Variants in GOLGA8M observed in about 807,000 individuals in gnomAD.
GOLGA8M encodes the protein golgin subfamily A member 8M.
A neutral mutation model predicts 87.7 loss-of-function variants in GOLGA8M; 34 were observed. The observed-to-expected ratio is 0.39, with a 90% CI of 0.29 to 0.52. The LOEUF is 0.52. Among genes scored for constraint, GOLGA8M ranks in the 20% least tolerant of loss-of-function variants. The probability of loss-of-function intolerance (pLI) is 0.80; values close to 1 mark genes in which losing one functional copy is unlikely to be tolerated. For missense variants in GOLGA8M, 396 were observed against 682.2 expected, an observed-to-expected ratio of 0.58 and a Z score of 4.67; for synonymous variants, 138 against 250.2, an observed-to-expected ratio of 0.55 and a Z score of 4.23.
intron 4 of GOLGA8M, among the ~76,000 whole-genome samples, chr15:28,708,765 C>T (rs527318539): frequency 2.6e-4 from 39 of 152,104 alleles, no homozygotes; most frequent in African/African-American, 8.9e-4. Flanking sequence ...GGACCAGGTA[C>T]GGTTCTTTAC....
intron 17 of GOLGA8M, 24 bp downstream of exon 17, chr15:28,702,441 C>T (rs1567296211): frequency 1.5e-6 from 2 of 1,316,638 alleles, no homozygotes; most frequent in South Asian, 2.5e-5. Flanking sequence ...ACCCCCACCC[C>T]CACAGAGATG....
chr15:28,702,642 C>G lies in GOLGA8M; in HGVS notation c.1469+3G>C. ...CCCTGCCGTGCCCTGGCCTCCCACT[C>G]ACTGATGGCATCTCTCTTGCCAGTA... On this transcript the variant is annotated splice_donor_region_variant and intron_variant, in intron 16 of 18. Transcript: ENST00000563027. 2 of 1,609,964 alleles carry G rather than the reference C, an allele frequency of 1.2e-6. No individual in the cohort carries two copies. Among genetic ancestry groups the G allele is most frequent in the Non-Finnish European group, 1.7e-6 (2 of 1,179,980 alleles).
chr15:28,705,047 T>G, intron 13 of GOLGA8M, 112 bp downstream of exon 13: 1 of 1,522,636 alleles, frequency 6.6e-7, no homozygotes, highest in Non-Finnish European at 8.8e-7. Context: ...GGTGCTGTGG[T>G]CACCAGCCCC....
chr15:28,702,567 G>A lies in GOLGA8M; in HGVS notation c.1470-5C>T, dbSNP rs556539486. 77 of 1,607,876 alleles carry A rather than the reference G, an allele frequency of 4.8e-5. No individual in the cohort carries two copies. The highest frequency in any genetic ancestry group is 5.8e-5 in the Non-Finnish European group (68 of 1,179,694). On this transcript the variant is annotated splice_polypyrimidine_tract_variant and splice_region_variant and intron_variant, in intron 16 of 18. Coordinates refer to ENST00000563027, the MANE Select transcript of GOLGA8M (RefSeq NM_001282468.3). ...GATAAAAGGTGATGGATTTTCCTGC[G>A]GGAGGACGGGGCTCAGACGCTGGGG...
In GOLGA8M at chr15:28,702,711, T is replaced by A; in HGVS notation, c.1403A>T (p.Asp468Val). The change falls in exon 16 of 19, where the codon GAC becomes GTC. Residue 468 changes from aspartate (D) to valine (V), a missense_variant. This residue lies in a region of GOLGA8M where 173 missense variants were observed against 150.2 expected (regional missense o/e 1.15). Coordinates refer to ENST00000563027, the MANE Select transcript of GOLGA8M (RefSeq NM_001282468.3). ...TTGTTTCTTCACAAGCTCACTCAGG[T>A]CTGCCTTCTCCTCCAGGTGGTCCAT... ...SFMDHLEEKA[D>V]LSELVKKQEL... The A allele has an allele frequency of 6.2e-7, 1 of 1,602,576 alleles. No individual in the cohort carries two copies.
upstream of GOLGA8M, among the ~76,000 whole-genome samples, chr15:28,712,978 T>C (rs1339358471): frequency 6.7e-6 from 1 of 148,856 alleles, no homozygotes; most frequent in Non-Finnish European, 1.5e-5. Context: ...AATGTTTCTC[T>C]TATTCTCCTA....
In GOLGA8M at chr15:28,702,276, G is replaced by A; in HGVS notation, c.1661C>T (p.Ala554Val). The change falls in exon 18 of 19, where the codon GCT (alanine) becomes GTT (valine). Residue 554 changes from alanine (A) to valine (V), a missense_variant. Around this residue, in one of 12 missense-constraint regions of GOLGA8M, gnomAD observed 173 missense variants for 150.2 expected, o/e 1.15. Transcript: ENST00000563027. ...TGGGGCTCCTGGACCGGGCTCATCA[G>A]CAGAGTTGTGGGCAGCGGCCAGGAA... ...RKFLAAAHNS[A>V]DEPGPGAPAP... The A allele has an allele frequency of 1.9e-6, 3 of 1,558,604 alleles. No homozygotes were observed. The highest frequency in any genetic ancestry group is 2.4e-5 in the East Asian group (1 of 41,612).
chr15:28,702,719 C>A lies in GOLGA8M; in HGVS notation c.1395G>T (p.Glu465Asp). 2 of 1,602,108 alleles carry A rather than the reference C, an allele frequency of 1.2e-6. No individual in the cohort carries two copies. Among genetic ancestry groups the A allele is most frequent in the Non-Finnish European group, 8.5e-7 (1 of 1,179,686 alleles). The change falls in exon 16 of 19, where the codon GAG becomes GAT. Residue 465 changes from glutamate to aspartate, a missense_variant. Physicochemically the swap from Glu to Asp is conservative, Grantham distance 45 (BLOSUM62 2). This residue lies in a region of GOLGA8M where 173 missense variants were observed against 150.2 expected (regional missense o/e 1.15). Coordinates refer to ENST00000563027, the MANE Select transcript of GOLGA8M (RefSeq NM_001282468.3). ...TCACAAGCTCACTCAGGTCTGCCTT[C>A]TCCTCCAGGTGGTCCATAAAGCTGC... Reference protein sequence around the residue: ...AMSSFMDHLEEKADLSELVKK... With the variant: ...AMSSFMDHLEDKADLSELVKK...
intron 1 of GOLGA8M, among the ~76,000 whole-genome samples, chr15:28,711,130 A>G (rs1238274358): frequency 1.3e-5 from 2 of 151,644 alleles, no homozygotes; most frequent in South Asian, 4.2e-4. Context: ...TGTGACTGTC[A>G]TCCCTAAGTA....
At position 28,703,930 on chromosome 15, in the gene GOLGA8M, G is replaced by A; in HGVS notation, c.1201-13C>T. 3.1e-6 allele frequency: 5 copies of A among 1,591,010 alleles called. No homozygotes were observed. The highest frequency in any genetic ancestry group is 1.1e-5 in the South Asian group (1 of 90,178). On this transcript the variant is annotated splice_polypyrimidine_tract_variant and intron_variant, in intron 13 of 18. Transcript: ENST00000563027. ...CTTCCAGGTGCTCCTAAGGGGCCAG[G>A]AAAGAGTGAGAAGGGATGGAGTTTG...
chr15:28,704,830 T>G (rs2079959368), intron 13 of GOLGA8M, among the ~76,000 whole-genome samples: 1 of 145,694 alleles, frequency 6.9e-6, no homozygotes, highest in Non-Finnish European at 1.5e-5. Context: ...CAAGTGATTC[T>G]CCTGCCTCAG....
At chr15:28,712,695 T>C (rs1264842125), upstream of GOLGA8M, among the ~76,000 whole-genome samples, 1 of 152,172 alleles carries the variant, frequency 6.6e-6, no homozygotes, top group Non-Finnish European at 1.5e-5. Flanking sequence ...AATATATGTG[T>C]GTATACTTTA....
At position 28,703,078 on chromosome 15, in the gene GOLGA8M, T is replaced by C. The variant is rs1302745210; in HGVS notation, c.1368+241A>G. The C allele has an allele frequency of 2.5e-5, 19 of 772,804 alleles. 1 individual carries two copies. The highest frequency in any genetic ancestry group is 2.6e-5 in the Non-Finnish European group (17 of 657,752). The allele number at this position is 772,804 out of a possible 1,614,324, so 47.9% of individuals were successfully genotyped here. ...AGAAATGCCACCTGAGGGCAAGATG[T>C]GAGCATTCTTCTAGGGGCATACACA... On this transcript the variant is annotated intron_variant, in intron 15 of 18. Transcript: ENST00000563027.
Position 28,705,112 on chromosome 15 carries a change from G to A in GOLGA8M, c.1200+47C>T, listed in dbSNP as rs564674656. The A allele has an allele frequency of 3.6e-5, 58 of 1,595,388 alleles. No homozygotes were observed. The African/African-American group carries it at 3.7e-4, about 10-fold the overall frequency. On this transcript the variant is annotated intron_variant, in intron 13 of 18. Coordinates refer to ENST00000563027, the MANE Select transcript of GOLGA8M (RefSeq NM_001282468.3). ...CTCCCCTCCCCAGAGGCTGCTGCCC[G>A]CCTCCCAGCCCTTCTTGGATGGGGT...
Position 28,698,628 on chromosome 15 carries a change from ACTTG to A in GOLGA8M, c.*3322_*3325del, listed in dbSNP as rs2079738175. 6.8e-6 allele frequency among the ~76,000 whole-genome samples: 1 copy of A among 147,350 alleles called. No homozygotes were observed. Among genetic ancestry groups the A allele is most frequent in the Non-Finnish European group, 1.5e-5 (1 of 67,782 alleles). ...TTTTTTATTTTGGTTTTTAATAAAC[ACTTG>A]CATAGTTATATTACAACTTTGTAAA... On this transcript the variant is annotated 3_prime_UTR_variant, in exon 19 of 19. Coordinates refer to ENST00000563027, the MANE Select transcript of GOLGA8M (RefSeq NM_001282468.3).
chr15:28,707,759 T>C lies in GOLGA8M; in HGVS notation c.580A>G (p.Lys194Glu), dbSNP rs2080079103. Residue 194 changes from lysine to glutamate, a missense_variant, in exon 8 of 19, where the codon AAG becomes GAG. This residue lies in a region of GOLGA8M where 80 missense variants were observed against 119.9 expected (regional missense o/e 0.67). Transcript: ENST00000563027. ...GTGGTTGGACTCACCTGGTTTGCCT[T>C]CTTCTTCTGTGTGGCCATGACATCA... Reference protein sequence around the residue: ...LSDVMATQKKKANQLSSPSKA... With the variant: ...LSDVMATQKKEANQLSSPSKA... The C allele has an allele frequency of 1.2e-5, 19 of 1,548,230 alleles. No individual in the cohort carries two copies. In the East Asian group the frequency reaches 1.7e-4, roughly 14 times the overall value.
chr15:28,702,400 G>A (rs773202334), intron 17 of GOLGA8M, 31 bp from the exon 18 acceptor site: 184 of 1,517,026 alleles, frequency 1.2e-4, no homozygotes, highest in South Asian at 2.8e-4. Flanking sequence ...CTGCCATGCC[G>A]CTGCCTGCGC....
In GOLGA8M at chr15:28,702,336, G is replaced by T. The variant is rs764685162; in HGVS notation, c.1601C>A (p.Ala534Glu). 7 of 1,529,206 alleles carry T rather than the reference G, an allele frequency of 4.6e-6. No individual in the cohort carries two copies. The highest frequency in any genetic ancestry group is 5.2e-6 in the Non-Finnish European group (6 of 1,146,560). The allele number at this position is 1,529,206 out of a possible 1,614,324, so 94.7% of individuals were successfully genotyped here. Residue 534 changes from alanine (A) to glutamate (E), a missense_variant, in exon 18 of 19, where the codon GCG becomes GAG. Coordinates refer to ENST00000563027, the MANE Select transcript of GOLGA8M (RefSeq NM_001282468.3). Reference protein sequence around the residue: ...EAAGAAADGIAAYSNYNNGHR... With the variant: ...EAAGAAADGIEAYSNYNNGHR... Reference sequence around the variant, plus strand: ...CCCATTGTTGTAGTTGCTGTAAGCCGCAATACCATCTGCTGCAGCTCCAGC... The same window carrying T: ...CCCATTGTTGTAGTTGCTGTAAGCCTCAATACCATCTGCTGCAGCTCCAGC...
At chr15:28,705,134 G>A (rs1324408499) in intron 13 of GOLGA8M, 25 bp downstream of exon 13, 2 of 1,597,898 alleles carry the variant, frequency 1.3e-6, no homozygotes, top group African/African-American at 2.7e-5. Context: ...TTCTTGGATG[G>A]GGTGGAGGTT....
Sources: gnomAD v4.1 joint callset for allele counts (sites outside exome capture counted in the v4.1 genomes callset) on GRCh38, gnomAD v4.1.1 for gene constraint, gnomAD v4.1.1 regional missense constraint, MANE v1.5 for transcripts, NCBI Gene and HGNC (gene_info 2026-07-23, HGNC 2026-07-21) for gene names.